RBFOX2: variants seen among roughly 807,000 people sequenced by gnomAD.
RBFOX2 encodes RNA binding protein fox-1 homolog 2.
A neutral mutation model predicts 49.1 loss-of-function variants in RBFOX2; 10 were observed. That is an observed-to-expected ratio of 0.20 (90% confidence interval 0.13 to 0.35). The LOEUF is 0.35. Among genes scored for constraint, RBFOX2 ranks in the 10% least tolerant of loss-of-function variants. The probability of loss-of-function intolerance (pLI) is 1.00; values close to 1 mark genes in which losing one functional copy is unlikely to be tolerated. For synonymous variants in RBFOX2, 183 were observed against 187.4 expected, an observed-to-expected ratio of 0.98 and a Z score of 0.19; for missense variants, 323 against 486.9, an observed-to-expected ratio of 0.66 and a Z score of 3.17.
chr22:35,929,271 C>A (rs1299382756), intron 1 of RBFOX2, among the ~76,000 whole-genome samples: 1 of 152,062 alleles, frequency 6.6e-6, no homozygotes, highest in Non-Finnish European at 1.5e-5. Flanking sequence ...GCATGAGCCA[C>A]CACACTGGCT....
exon 11 of RBFOX2, chr22:35,745,934 C>T: frequency 6.2e-7 from 1 of 1,613,596 alleles, no homozygotes; most frequent in Non-Finnish European, 8.5e-7. Flanking sequence ...ACAGCGCCAA[C>T]TCCATAGCTA....
chr22:35,914,136 G>A (rs2050141781), intron 1 of RBFOX2, among the ~76,000 whole-genome samples: 1 of 152,224 alleles, frequency 6.6e-6, no homozygotes, highest in Admixed American at 6.5e-5. Flanking sequence ...GAATGGAAGA[G>A]TCTGGGCATT....
chr22:35,750,499 T>C, intron 9 of RBFOX2: 1 of 1,492,084 alleles, frequency 6.7e-7, no homozygotes, highest in African/African-American at 1.4e-5. Flanking sequence ...GGGATTAGCA[T>C]GGCCACAGCA....
intron 1 of RBFOX2, among the ~76,000 whole-genome samples, chr22:35,878,039 T>TACTACACAC (rs1556297679): frequency 4.2e-5 from 6 of 141,254 alleles, no homozygotes; most frequent in South Asian, 2.5e-4. Context: ...CTACTACTAC[T>TACTACACAC]ACACACACAC....
intron 1 of RBFOX2, among the ~76,000 whole-genome samples, chr22:35,837,706 T>C (rs557125460): frequency 6.6e-6 from 1 of 152,348 alleles, no homozygotes; most frequent in East Asian, 1.9e-4. Flanking sequence ...TATTCTATCC[T>C]TGCCAGTTGT....
In RBFOX2 at chr22:35,813,135, TAAC is replaced by T. The variant is rs956698628; in HGVS notation, c.28-3134_28-3132del. On this transcript the variant is annotated intron_variant, in intron 1 of 11. Transcript: ENST00000405409. ...TCTTTTAAAATTTTTGTTAAAAATG[TAAC>T]AACAATTGTTTATATATTAAGGGAA... Among the ~76,000 whole-genome samples the T allele has an allele frequency of 3.3e-5, 5 of 152,356 alleles. No individual in the cohort carries two copies. The East Asian group carries it at 7.7e-4, about 24-fold the overall frequency.
intron 1 of RBFOX2, among the ~76,000 whole-genome samples, chr22:35,812,577 A>G (rs763880246): frequency 2.0e-5 from 3 of 152,216 alleles, no homozygotes; most frequent in Non-Finnish European, 4.4e-5. Flanking sequence ...CAGACATGAA[A>G]AAGAATTGAA....
intron 1 of RBFOX2, among the ~76,000 whole-genome samples, chr22:35,870,553 G>T (rs2044247507): frequency 6.6e-6 from 1 of 152,082 alleles, no homozygotes; most frequent in Admixed American, 6.6e-5. Flanking sequence ...AAAATATCTG[G>T]ATCACATTAT....
At chr22:35,839,460 G>A (rs1214554230) in intron 1 of RBFOX2, among the ~76,000 whole-genome samples, 2 of 152,078 alleles carry the variant, frequency 1.3e-5, no homozygotes, top group Admixed American at 6.5e-5. Flanking sequence ...GTGGGAGAGA[G>A]AGAAGAGAAG....
At chr22:35,746,087 C>T in intron 10 of RBFOX2, 92 bp from the exon 13 acceptor site, 4 of 1,126,218 alleles carry the variant, frequency 3.6e-6, no homozygotes, top group Non-Finnish European at 5.3e-6. Flanking sequence ...TTGTGAGTCA[C>T]TTGGTCTTGG....
intron 1 of RBFOX2, among the ~76,000 whole-genome samples, chr22:36,023,713 C>G (rs2059328452): frequency 6.6e-6 from 1 of 152,162 alleles, no homozygotes; most frequent in African/African-American, 2.4e-5. Context: ...AACTGTACAT[C>G]AGCTTTCCAG....
chr22:35,854,700 G>A (rs1466754744), intron 1 of RBFOX2, among the ~76,000 whole-genome samples: 1 of 151,982 alleles, frequency 6.6e-6, no homozygotes, highest in Admixed American at 6.6e-5. Flanking sequence ...CCCAGGTATA[G>A]CTTAAATCAT....
intron 1 of RBFOX2, chr22:35,897,809 T>C (rs2048046360): frequency 9.3e-6 from 7 of 749,556 alleles, no homozygotes; most frequent in East Asian, 2.5e-5. Flanking sequence ...TTTACGATAA[T>C]GGCTTCTGGA....
At chr22:35,739,164 A>G (rs11542071) in exon 12 of RBFOX2, 8,379 of 153,102 alleles carry the variant, frequency 0.055, 317 homozygotes, top group Middle Eastern at 0.091. Context: ...CAAGCATCCC[A>G]TGTAATGCCC....
chr22:35,797,389 T>C (rs1035107211), intron 2 of RBFOX2, among the ~76,000 whole-genome samples: 1 of 152,196 alleles, frequency 6.6e-6, no homozygotes, highest in Non-Finnish European at 1.5e-5. Flanking sequence ...TACTTTTCCT[T>C]GAAACAATGA....
intron 1 of RBFOX2, among the ~76,000 whole-genome samples, chr22:35,990,251 T>A (rs16996247): frequency 6.6e-6 from 1 of 151,198 alleles, no homozygotes; most frequent in Non-Finnish European, 1.5e-5. Flanking sequence ...CTAGGAAAGG[T>A]TGGATATTAG....
chr22:35,812,969 A>G (rs1952215782), intron 1 of RBFOX2, among the ~76,000 whole-genome samples: 1 of 152,200 alleles, frequency 6.6e-6, no homozygotes, highest in Non-Finnish European at 1.5e-5. Flanking sequence ...CATTTCCTGC[A>G]ATCCACTTGT....
chr22:35,772,077 G>C (rs1602472862), intron 4 of RBFOX2, among the ~76,000 whole-genome samples: 2 of 151,962 alleles, frequency 1.3e-5, no homozygotes, highest in Admixed American at 1.3e-4. Context: ...TATAATATAT[G>C]TAACAAATAG....
At chr22:35,860,481 T>C (rs978398392) in intron 1 of RBFOX2, among the ~76,000 whole-genome samples, 9 of 152,216 alleles carry the variant, frequency 5.9e-5, no homozygotes, top group African/African-American at 2.2e-4. Context: ...ATTAACACTT[T>C]GTTAAGCTAT....
Sources: allele counts gnomAD v4.1 joint callset (sites outside exome capture counted in the v4.1 genomes callset), GRCh38; gene constraint gnomAD v4.1.1; transcripts MANE v1.5; gene names NCBI Gene and HGNC (gene_info 2026-07-23, HGNC 2026-07-21).